Variants in PARD3B observed in about 807,000 individuals in gnomAD.
The protein encoded by PARD3B is partitioning defective 3 homolog B.
PARD3B carries 103 observed loss-of-function variants against 130.2 expected under a neutral mutation model. The observed-to-expected ratio is 0.79, with a 90% CI of 0.67 to 0.93. PARD3B has a LOEUF of 0.93. Ranked by LOEUF, PARD3B falls within the 40% of genes least tolerant of loss-of-function variation. The pLI is 0.00. For missense variants in PARD3B, 1,609 were observed against 1,499.2 expected (o/e 1.07, Z -1.21); for synonymous variants, 583 against 553.2 (o/e 1.05, Z -0.76).
intron 1 of PARD3B, among the ~76,000 whole-genome samples, chr2:204,571,110 C>T (rs952212288): frequency 6.6e-6 from 1 of 152,178 alleles, no homozygotes; most frequent in Non-Finnish European, 1.5e-5. Flanking sequence ...ATTTCTACTA[C>T]TTCAGGCAAT....
intron 22 of PARD3B, among the ~76,000 whole-genome samples, chr2:205,555,588 T>C (rs1337337435): frequency 6.6e-6 from 1 of 152,214 alleles, no homozygotes; most frequent in African/African-American, 2.4e-5. Context: ...TGGCTCTTTA[T>C]GAATGTATGA....
chr2:205,581,444 TAA>T (rs2053986069), intron 22 of PARD3B, among the ~76,000 whole-genome samples: 3 of 145,916 alleles, frequency 2.1e-5, no homozygotes, highest in Admixed American at 7.0e-5. Context: ...TAAATATATA[TAA>T]ATATATATGA....
At chr2:205,362,394 CATT>C (rs1333246198) in intron 18 of PARD3B, among the ~76,000 whole-genome samples, 1 of 152,174 alleles carries the variant, frequency 6.6e-6, no homozygotes, top group African/African-American at 2.4e-5. Flanking sequence ...AGTTAAATAA[CATT>C]ATGTGTCTCA....
chr2:205,471,752 C>T (rs2048844002), intron 20 of PARD3B, among the ~76,000 whole-genome samples: 1 of 152,192 alleles, frequency 6.6e-6, no homozygotes, highest in African/African-American at 2.4e-5. Flanking sequence ...CTGTAACTTT[C>T]AAAGTAACCT....
In PARD3B at chr2:205,533,365, T is replaced by C. The variant is rs923447891; in HGVS notation, c.3181-19959T>C. 3.3e-5 allele frequency among the ~76,000 whole-genome samples: 5 copies of C among 152,320 alleles called. 1 individual carries two copies. Among genetic ancestry groups the C allele is most frequent in the South Asian group, 2.1e-4 (1 of 4,830 alleles). On this transcript the variant is annotated intron_variant, in intron 21 of 22. Transcript: ENST00000406610. ...GACAAATAATGAAGTTCATATTCTG[T>C]ACAGAACTTGAAGATGGCTTATTTT...
At chr2:205,080,826 G>A (rs1701361917) in intron 4 of PARD3B, among the ~76,000 whole-genome samples, 1 of 152,034 alleles carries the variant, frequency 6.6e-6, no homozygotes, top group African/African-American at 2.4e-5. Context: ...ATTCTGATGG[G>A]TATTTTATGG....
chr2:204,752,279 C>T (rs943050836), intron 2 of PARD3B, among the ~76,000 whole-genome samples: 5 of 152,036 alleles, frequency 3.3e-5, no homozygotes, highest in African/African-American at 1.2e-4. Context: ...TCCATTTTCT[C>T]ATTTATAAAT....
At chr2:204,787,495 G>T (rs149230317) in intron 2 of PARD3B, among the ~76,000 whole-genome samples, 4 of 152,272 alleles carry the variant, frequency 2.6e-5, no homozygotes, top group South Asian at 2.1e-4. Flanking sequence ...CTATAACTCA[G>T]AGTTTTATCT....
intron 18 of PARD3B, among the ~76,000 whole-genome samples, chr2:205,337,014 T>G (rs2043338331): frequency 6.6e-6 from 1 of 152,060 alleles, no homozygotes; most frequent in Non-Finnish European, 1.5e-5. Context: ...TAACCTTTTC[T>G]AATGTAACCT....
intron 21 of PARD3B, among the ~76,000 whole-genome samples, chr2:205,539,306 G>C (rs777735252): frequency 6.6e-6 from 1 of 152,174 alleles, no homozygotes; most frequent in African/African-American, 2.4e-5. Context: ...TGATGTCTGA[G>C]AACATGCTTT....
At chr2:204,914,488 A>G (rs2047368381) in intron 2 of PARD3B, among the ~76,000 whole-genome samples, 2 of 152,246 alleles carry the variant, frequency 1.3e-5, no homozygotes, top group South Asian at 4.1e-4. Flanking sequence ...GGAGGGAAGA[A>G]AATAAGTAAA....
intron 1 of PARD3B, among the ~76,000 whole-genome samples, chr2:204,552,319 G>T (rs1452132811): frequency 1.3e-5 from 2 of 152,110 alleles, no homozygotes; most frequent in Non-Finnish European, 2.9e-5. Context: ...AGCTGGGTTT[G>T]AGAGTAAGCC....
rs971729476 is a variant in PARD3B at position 204,967,680 on chromosome 2, T to C, written c.394+2357T>C. On this transcript the variant is annotated intron_variant, in intron 3 of 22. Coordinates refer to ENST00000406610, the MANE Select transcript of PARD3B (RefSeq NM_001302769.2). The surrounding 1 kb of genome is among the most constrained non-coding windows in gnomAD (Gnocchi z 4.4). ...ACTTAAAAAGCAAAGAAAAAACATA[T>C]TTGTCAGGTTTTTCAGATAGCGAAG... 6.6e-6 allele frequency among the ~76,000 whole-genome samples: 1 copy of C among 152,188 alleles called. No homozygotes were observed. The highest frequency in any genetic ancestry group is 2.4e-5 in the African/African-American group (1 of 41,436).
intron 1 of PARD3B, among the ~76,000 whole-genome samples, chr2:204,547,770 A>G (rs1049855737): frequency 6.6e-6 from 1 of 152,196 alleles, no homozygotes; most frequent in African/African-American, 2.4e-5. Context: ...TATCCAAGTA[A>G]GAGATAAACT....
intron 2 of PARD3B, among the ~76,000 whole-genome samples, chr2:204,895,928 A>G (rs563717689): frequency 2.6e-5 from 4 of 152,346 alleles, no homozygotes; most frequent in South Asian, 2.1e-4. Context: ...GAAAAGGTAG[A>G]CAGGATATAA....
At chr2:205,222,059 A>G (rs2038269346) in intron 15 of PARD3B, among the ~76,000 whole-genome samples, 4 of 152,092 alleles carry the variant, frequency 2.6e-5, no homozygotes, top group Admixed American at 2.6e-4. Flanking sequence ...CTATTACACA[A>G]GTATACCTAG....
intron 2 of PARD3B, among the ~76,000 whole-genome samples, chr2:204,698,079 A>G (rs2125269470): frequency 6.6e-6 from 1 of 152,234 alleles, no homozygotes; most frequent in East Asian, 1.9e-4. Flanking sequence ...CAATGGGTTG[A>G]GTCAACTCTC....
intron 21 of PARD3B, among the ~76,000 whole-genome samples, chr2:205,538,983 G>A (rs2051997140): frequency 6.6e-6 from 1 of 152,130 alleles, no homozygotes; most frequent in Non-Finnish European, 1.5e-5. Flanking sequence ...GAGAAATGAG[G>A]CTCAAAAGTT....
At chr2:204,653,895 A>G (rs2035564008) in intron 1 of PARD3B, among the ~76,000 whole-genome samples, 1 of 151,024 alleles carries the variant, frequency 6.6e-6, no homozygotes, top group Non-Finnish European at 1.5e-5. Flanking sequence ...ATTTGGGAGG[A>G]AAGTTTGAGA....
Sources: allele counts gnomAD v4.1 joint callset (sites outside exome capture counted in the v4.1 genomes callset), GRCh38; gene constraint gnomAD v4.1.1; non-coding constraint Gnocchi (gnomAD v3.1); transcripts MANE v1.5; gene names NCBI Gene and HGNC (gene_info 2026-07-23, HGNC 2026-07-21).